PRKCE: variants seen among roughly 807,000 people sequenced by gnomAD.
The protein encoded by PRKCE is protein kinase C epsilon.
PRKCE carries 16 observed loss-of-function variants against 85.4 expected under a neutral mutation model. The observed-to-expected ratio is 0.19, with a 90% CI of 0.13 to 0.28. The LOEUF (loss-of-function observed/expected upper bound fraction) is 0.28. Among genes scored for constraint, PRKCE ranks in the 10% least tolerant of loss-of-function variants. The pLI is 1.00. For synonymous variants in PRKCE, 388 were observed against 371.5 expected (o/e 1.04, Z -0.51); for missense variants, 573 against 975.2 (o/e 0.59, Z 5.49).
chr2:45,699,095 G>A (rs115988813), intron 1 of PRKCE, among the ~76,000 whole-genome samples: 3,522 of 152,040 alleles, frequency 0.023, 121 homozygotes, highest in African/African-American at 0.08. Context: ...GTGGTTTGCT[G>A]TTCCCATAAT....
chr2:45,653,563 A>G (rs1675245035), intron 1 of PRKCE, among the ~76,000 whole-genome samples: 2 of 152,058 alleles, frequency 1.3e-5, no homozygotes, highest in South Asian at 4.2e-4. Flanking sequence ...AGTGGTGTAG[A>G]GCAATTGCTT....
chr2:46,082,656 G>T (rs1669204484), intron 10 of PRKCE, among the ~76,000 whole-genome samples: 3 of 152,216 alleles, frequency 2.0e-5, no homozygotes, highest in Non-Finnish European at 2.9e-5. Context: ...AGCCTCGTGG[G>T]ATTCCAACAC....
intron 10 of PRKCE, among the ~76,000 whole-genome samples, chr2:46,036,095 G>T (rs1707838895): frequency 6.6e-6 from 1 of 152,218 alleles, no homozygotes. Flanking sequence ...CCACTCATAT[G>T]CCTGGGGGAG....
At chr2:45,915,220 T>A (rs1459002673) in intron 2 of PRKCE, among the ~76,000 whole-genome samples, 1 of 152,238 alleles carries the variant, frequency 6.6e-6, no homozygotes, top group African/African-American at 2.4e-5. Flanking sequence ...ACATTTTTGT[T>A]CTTTCCACCT....
At chr2:46,066,517 T>C (rs1467920836) in intron 10 of PRKCE, among the ~76,000 whole-genome samples, 3 of 152,242 alleles carry the variant, frequency 2.0e-5, no homozygotes, top group Non-Finnish European at 1.5e-5. Context: ...TATATTCATT[T>C]AACAACTTTA....
chr2:45,963,321 T>C (rs1288272418), intron 2 of PRKCE, among the ~76,000 whole-genome samples: 1 of 152,192 alleles, frequency 6.6e-6, no homozygotes, highest in Non-Finnish European at 1.5e-5. Context: ...TATTTATTTA[T>C]TTTTTTAGAC....
rs566605325 is a variant in PRKCE, at chr2:45,987,213, G to GGGCAGGAAA, written c.823+2534_823+2542dup. On this transcript the variant is annotated intron_variant, in intron 6 of 14. Coordinates refer to ENST00000306156, the MANE Select transcript of PRKCE (RefSeq NM_005400.3). ...AGGGACAGTGTATTCAGCTCTTGTT[G>GGGCAGGAAA]GGCAGGAAATGCTCTTGCCCCTGCT... 1.7e-3 allele frequency among the ~76,000 whole-genome samples: 252 copies of GGGCAGGAAA among 152,168 alleles called. 1 individual carries two copies. The highest frequency in any genetic ancestry group is 5.9e-3 in the African/African-American group (245 of 41,516).
intron 10 of PRKCE, among the ~76,000 whole-genome samples, chr2:46,031,772 C>T (rs925231536): frequency 6.6e-6 from 1 of 152,130 alleles, no homozygotes; most frequent in African/African-American, 2.4e-5. Context: ...TTAGCAGCTA[C>T]CGTCAAGTTG....
At chr2:45,727,853 C>T (rs1489546974) in intron 1 of PRKCE, among the ~76,000 whole-genome samples, 2 of 152,204 alleles carry the variant, frequency 1.3e-5, no homozygotes, top group East Asian at 3.9e-4. Flanking sequence ...CGGGGTTTCA[C>T]CATGTTGGTC....
intron 10 of PRKCE, among the ~76,000 whole-genome samples, chr2:46,062,598 T>C (rs1402793146): frequency 6.6e-6 from 1 of 151,328 alleles, no homozygotes; most frequent in African/African-American, 2.4e-5. Flanking sequence ...TGTTTATGCA[T>C]TGACCAACCC....
chr2:46,174,575 T>C (rs996758982), intron 14 of PRKCE, among the ~76,000 whole-genome samples: 5 of 152,196 alleles, frequency 3.3e-5, no homozygotes, highest in Non-Finnish European at 7.4e-5. Context: ...AGCCCTCAGC[T>C]TGCTGGGCTC....
intron 1 of PRKCE, chr2:45,701,300 G>A (rs575993751): frequency 6.6e-6 from 1 of 152,154 alleles, no homozygotes; most frequent in Non-Finnish European, 1.5e-5. Context: ...TGGAAAAATT[G>A]GAAGTACTCA....
At chr2:46,179,362 C>T (rs1402710663) in intron 14 of PRKCE, among the ~76,000 whole-genome samples, 1 of 152,044 alleles carries the variant, frequency 6.6e-6, no homozygotes, top group Non-Finnish European at 1.5e-5. Context: ...CCTGGGCTCC[C>T]AACACCACCA....
chr2:45,817,025 C>T (rs139281454), intron 1 of PRKCE, among the ~76,000 whole-genome samples: 7 of 149,660 alleles, frequency 4.7e-5, no homozygotes, highest in Non-Finnish European at 7.4e-5. Flanking sequence ...ACAAAGAGAT[C>T]GTTGTGTAAA....
At chr2:46,161,403 G>A (rs1027394702) in intron 14 of PRKCE, among the ~76,000 whole-genome samples, 3 of 152,214 alleles carry the variant, frequency 2.0e-5, no homozygotes, top group African/African-American at 4.8e-5. Context: ...AAGAATCGAG[G>A]CCCAACTAAC....
intron 2 of PRKCE, among the ~76,000 whole-genome samples, chr2:45,881,434 TATAATGGTA>T: frequency 6.6e-6 from 1 of 152,310 alleles, no homozygotes; most frequent in African/African-American, 2.4e-5. Context: ...CATTTTTGGA[TATAATGGTA>T]CTTAAATGTT....
Position 45,741,520 on chromosome 2 carries a change from A to G in PRKCE, c.348+89072A>G, listed in dbSNP as rs548259873. 2.0e-5 allele frequency among the ~76,000 whole-genome samples: 3 copies of G among 152,322 alleles called. No individual in the cohort carries two copies. In the South Asian group the frequency reaches 6.2e-4, roughly 32 times the overall value. On this transcript the variant is annotated intron_variant, in intron 1 of 14. Coordinates refer to ENST00000306156, the MANE Select transcript of PRKCE (RefSeq NM_005400.3). The stretch of plus-strand genomic sequence containing the variant: ...AAGGTTCTTCTGGGAGAAACCAGCA[A>G]TGCTCTGGTGGAACGAGGTCTGTTC...
chr2:45,996,590 T>C (rs1468139002), intron 6 of PRKCE, among the ~76,000 whole-genome samples: 2 of 128,078 alleles, frequency 1.6e-5, no homozygotes, highest in African/African-American at 5.9e-5. Flanking sequence ...TTGTTAGAAT[T>C]ATTTGATTTT....
chr2:45,896,856 G>T (rs1198114180), intron 2 of PRKCE, among the ~76,000 whole-genome samples: 1 of 152,144 alleles, frequency 6.6e-6, no homozygotes, highest in Non-Finnish European at 1.5e-5. Context: ...GGCTGAGATG[G>T]GAGGATTGCT....
Sources: gnomAD v4.1 joint callset for allele counts (sites outside exome capture counted in the v4.1 genomes callset) on GRCh38, gnomAD v4.1.1 for gene constraint, MANE v1.5 for transcripts, NCBI Gene and HGNC (gene_info 2026-07-23, HGNC 2026-07-21) for gene names.